Variants in ABAT observed in about 807,000 individuals in gnomAD.
ABAT encodes the protein 4-aminobutyrate aminotransferase, mitochondrial.
A neutral mutation model predicts 64.6 loss-of-function variants in ABAT; 45 were observed. The ratio of observed to expected loss-of-function variants is 0.70; its 90% CI spans 0.55 to 0.89. ABAT has a LOEUF of 0.89. Among genes scored for constraint, ABAT ranks in the 40% least tolerant of loss-of-function variants. The probability of loss-of-function intolerance (pLI) is 0.00; values close to 1 mark genes in which losing one functional copy is unlikely to be tolerated. For synonymous variants in ABAT, 297 were observed against 250.5 expected (o/e 1.19, Z -1.75); for missense variants, 633 against 658.4 (o/e 0.96, Z 0.42).
intron 1 of ABAT, among the ~76,000 whole-genome samples, chr16:8,734,524 C>A (rs2058854966): frequency 6.6e-6 from 1 of 152,136 alleles, no homozygotes; most frequent in Admixed American, 6.5e-5. Context: ...CCTCTCTGTG[C>A]CTCAATTTCC....
chr16:8,693,503 C>T (rs1012119039), intron 1 of ABAT, among the ~76,000 whole-genome samples: 1 of 152,210 alleles, frequency 6.6e-6, no homozygotes, highest in Non-Finnish European at 1.5e-5. Context: ...GAGTGTCGCT[C>T]TGTCACCCAG....
chr16:8,708,676 G>C (rs950721603), intron 1 of ABAT, among the ~76,000 whole-genome samples: 3 of 152,190 alleles, frequency 2.0e-5, no homozygotes, highest in African/African-American at 7.2e-5. Context: ...ACACATGACT[G>C]ACATGTAATA....
intron 2 of ABAT, chr16:8,736,030 A>G (rs1057430162): frequency 3.3e-5 from 18 of 540,710 alleles, no homozygotes; most frequent in African/African-American, 5.7e-5. Flanking sequence ...ACAGTTTCAT[A>G]TGGCTGGGGA....
chr16:8,755,067 C>T (rs2059612318), intron 5 of ABAT, among the ~76,000 whole-genome samples: 1 of 152,146 alleles, frequency 6.6e-6, no homozygotes, highest in African/African-American at 2.4e-5. Flanking sequence ...ACAGTTTCAG[C>T]TTTTCAGCAC....
intron 1 of ABAT, among the ~76,000 whole-genome samples, chr16:8,724,608 T>TA (rs2058479887): frequency 6.6e-6 from 1 of 151,958 alleles, no homozygotes; most frequent in Non-Finnish European, 1.5e-5. Flanking sequence ...TGGTGGCATG[T>TA]GCTTATAGTC....
chr16:8,697,139 G>A (rs1449212746), intron 1 of ABAT, among the ~76,000 whole-genome samples: 1 of 152,210 alleles, frequency 6.6e-6, no homozygotes, highest in South Asian at 2.1e-4. Flanking sequence ...GGTCAAGGAA[G>A]GCTGTTCTGA....
chr16:8,734,853 A>G (rs932371427), intron 1 of ABAT, among the ~76,000 whole-genome samples: 14 of 152,128 alleles, frequency 9.2e-5, no homozygotes, highest in Non-Finnish European at 1.6e-4. Context: ...AACAGGGAGC[A>G]AGGAGAGATG....
At chr16:8,720,480 A>G (rs1289780037) in intron 1 of ABAT, among the ~76,000 whole-genome samples, 2 of 152,240 alleles carry the variant, frequency 1.3e-5, no homozygotes, top group African/African-American at 4.8e-5. Context: ...GGTGATAGGA[A>G]GTCATGCCTG....
chr16:8,722,473 G>A (rs949517787), intron 1 of ABAT, among the ~76,000 whole-genome samples: 1 of 152,084 alleles, frequency 6.6e-6, no homozygotes, highest in African/African-American at 2.4e-5. Flanking sequence ...AGGATCCTAG[G>A]AAAATTACTT....
At chr16:8,772,556 C>A (rs1443992534) in intron 11 of ABAT, among the ~76,000 whole-genome samples, 1 of 152,180 alleles carries the variant, frequency 6.6e-6, no homozygotes, top group Non-Finnish European at 1.5e-5. Context: ...TTACTTGCCC[C>A]AATTTATTAG....
chr16:8,688,614 T>A (rs138649481), intron 1 of ABAT, among the ~76,000 whole-genome samples: 16 of 152,276 alleles, frequency 1.1e-4, no homozygotes, highest in African/African-American at 3.9e-4. Flanking sequence ...CCCCTTTGCC[T>A]CATTAGAGGC....
intron 1 of ABAT, among the ~76,000 whole-genome samples, chr16:8,692,896 C>A (rs939425450): frequency 4.6e-5 from 7 of 152,184 alleles, no homozygotes; most frequent in African/African-American, 7.2e-5. Context: ...CTCTGTTGCC[C>A]AGGCTGGAGT....
intron 9 of ABAT, among the ~76,000 whole-genome samples, chr16:8,767,606 G>A (rs2142962577): frequency 6.6e-6 from 1 of 152,324 alleles, no homozygotes; most frequent in Admixed American, 6.5e-5. Context: ...GGAGGAAAAT[G>A]GGTCCAAACA....
chr16:8,708,357 C>A (rs2057995040), intron 1 of ABAT, among the ~76,000 whole-genome samples: 1 of 152,120 alleles, frequency 6.6e-6, no homozygotes. Context: ...AAGGATCTTT[C>A]TGCCTCAGCC....
intron 1 of ABAT, among the ~76,000 whole-genome samples, chr16:8,718,735 CAGG>C (rs2058282242): frequency 6.6e-6 from 1 of 152,004 alleles, no homozygotes; most frequent in African/African-American, 2.4e-5. Context: ...ATTTGCCTCC[CAGG>C]AGTAGATAAG....
chr16:8,771,021 C>T (rs1040337231), intron 11 of ABAT, among the ~76,000 whole-genome samples: 6 of 152,074 alleles, frequency 3.9e-5, no homozygotes, highest in Admixed American at 2.6e-4. Context: ...AAAAACCGGG[C>T]GCGGTGGCTC....
At chr16:8,771,223 A>C (rs2060096726) in intron 11 of ABAT, among the ~76,000 whole-genome samples, 1 of 150,992 alleles carries the variant, frequency 6.6e-6, no homozygotes, top group Non-Finnish European at 1.5e-5. Flanking sequence ...TGAACCCGGG[A>C]GGTGGTGGTT....
intron 12 of ABAT, among the ~76,000 whole-genome samples, chr16:8,774,575 T>G (rs1596471475): frequency 6.6e-6 from 1 of 152,156 alleles, no homozygotes; most frequent in Admixed American, 6.5e-5. Flanking sequence ...TCTGACGAGG[T>G]CGAGACCCGA....
intron 5 of ABAT, among the ~76,000 whole-genome samples, chr16:8,753,720 T>C (rs2059558626): frequency 6.6e-6 from 1 of 152,120 alleles, no homozygotes; most frequent in African/African-American, 2.4e-5. Context: ...AAGGTGTACT[T>C]TTCAGTCTTG....
Sources: gnomAD v4.1 joint callset for allele counts (sites outside exome capture counted in the v4.1 genomes callset) on GRCh38, gnomAD v4.1.1 for gene constraint, MANE v1.5 for transcripts, NCBI Gene and HGNC (gene_info 2026-07-23, HGNC 2026-07-21) for gene names.